Variants in GRID2 observed in about 807,000 individuals in gnomAD.
GRID2 encodes the protein glutamate receptor ionotropic, delta-2.
GRID2 carries 33 observed loss-of-function variants against 114.8 expected under a neutral mutation model. The observed-to-expected ratio is 0.29, with a 90% CI of 0.22 to 0.38. GRID2 has a LOEUF of 0.38. Ranked by LOEUF, GRID2 falls within the 10% of genes least tolerant of loss-of-function variation. The probability of loss-of-function intolerance (pLI) is 1.00; values close to 1 mark genes in which losing one functional copy is unlikely to be tolerated. For missense variants in GRID2, 1,184 were observed against 1,257.7 expected (o/e 0.94, Z 0.89); for synonymous variants, 505 against 449.9 (o/e 1.12, Z -1.55).
At chr4:92,597,275 A>G (rs1560480021) in intron 2 of GRID2, among the ~76,000 whole-genome samples, 1 of 152,106 alleles carries the variant, frequency 6.6e-6, no homozygotes, top group Admixed American at 6.6e-5. Flanking sequence ...GAAGATACAA[A>G]TTGCATAGTC....
chr4:92,520,881 G>A, intron 1 of GRID2, among the ~76,000 whole-genome samples: 1 of 151,820 alleles, frequency 6.6e-6, no homozygotes, highest in East Asian at 2.0e-4. Context: ...AAGGTCATAG[G>A]GACAGGAAAC....
intron 14 of GRID2, among the ~76,000 whole-genome samples, chr4:93,767,804 T>C (rs1733789620): frequency 1.3e-5 from 2 of 152,182 alleles, no homozygotes; most frequent in South Asian, 2.1e-4. Flanking sequence ...TTGTAAGCAG[T>C]CTCACCCCAA....
At chr4:92,854,968 G>A (rs1744075138) in intron 2 of GRID2, among the ~76,000 whole-genome samples, 1 of 151,928 alleles carries the variant, frequency 6.6e-6, no homozygotes, top group Non-Finnish European at 1.5e-5. Context: ...TGGTTTAAAG[G>A]ATAAAAATTC....
chr4:92,858,338 A>G (rs892035891), intron 2 of GRID2, among the ~76,000 whole-genome samples: 4 of 152,244 alleles, frequency 2.6e-5, no homozygotes, highest in Admixed American at 2.0e-4. Context: ...GCCATTCAGA[A>G]CATTCATGAT....
intron 13 of GRID2, among the ~76,000 whole-genome samples, chr4:93,564,297 T>TTTTA (rs549091021): frequency 2.6e-4 from 39 of 151,964 alleles, no homozygotes; most frequent in South Asian, 2.3e-3. Flanking sequence ...ATGGATGTCC[T>TTTTA]TTTATTTATT....
intron 14 of GRID2, among the ~76,000 whole-genome samples, chr4:93,638,251 G>A (rs1228580335): frequency 6.9e-6 from 1 of 145,804 alleles, no homozygotes. Context: ...AAATCAACAT[G>A]TTTTTATTTT....
intron 10 of GRID2, among the ~76,000 whole-genome samples, chr4:93,441,642 G>A (rs1230675117): frequency 6.6e-6 from 1 of 151,692 alleles, no homozygotes; most frequent in Non-Finnish European, 1.5e-5. Context: ...CTCATTTAAA[G>A]GATTTTTTTT....
chr4:93,780,151 G>T (rs777711707), intron 1 of GRID2, among the ~76,000 whole-genome samples: 1 of 152,186 alleles, frequency 6.6e-6, no homozygotes, highest in Non-Finnish European at 1.5e-5. Flanking sequence ...AGAAGAACAA[G>T]GAGCAAGAAG....
chr4:93,728,833 T>G lies in GRID2; in HGVS notation c.2361-40377T>G, dbSNP rs534933382. 1.2e-3 allele frequency among the ~76,000 whole-genome samples: 176 copies of G among 152,238 alleles called. 1 individual carries two copies. In the South Asian group the frequency reaches 0.012, roughly 10 times the overall value. On this transcript the variant is annotated intron_variant, in intron 14 of 15. Coordinates refer to ENST00000282020, the MANE Select transcript of GRID2 (RefSeq NM_001510.4). ...CCCCTGCCTTTTTTTGTTTTCCATT[T>G]GCTTGGTAGATCTTCCTCCATCCTT...
At chr4:92,425,871 C>T (rs1732136791) in intron 1 of GRID2, among the ~76,000 whole-genome samples, 1 of 152,038 alleles carries the variant, frequency 6.6e-6, no homozygotes, top group Non-Finnish European at 1.5e-5. Flanking sequence ...AAGCATTGAC[C>T]AATCTGTAAC....
rs78476042 is a variant in GRID2 at position 92,414,626 on chromosome 4, A to G, written c.88+109882A>G. On this transcript the variant is annotated intron_variant, in intron 1 of 15. Coordinates refer to ENST00000282020, the MANE Select transcript of GRID2 (RefSeq NM_001510.4). Reference sequence around the variant, plus strand: ...CCTAGTAAATGGTACAAAGGCAAACATATGGTTGTGGACAGTGAGCCTAGA... The same window carrying G: ...CCTAGTAAATGGTACAAAGGCAAACGTATGGTTGTGGACAGTGAGCCTAGA... 6.4e-4 allele frequency among the ~76,000 whole-genome samples: 98 copies of G among 152,270 alleles called. No homozygotes were observed. The East Asian group carries it at 0.019, about 29-fold the overall frequency.
intron 2 of GRID2, among the ~76,000 whole-genome samples, chr4:92,655,042 T>G (rs937575775): frequency 1.3e-5 from 2 of 152,016 alleles, no homozygotes; most frequent in African/African-American, 4.8e-5. Context: ...TTGGAAGTCT[T>G]TAACCCATCT....
chr4:93,750,482 G>C (rs1353070366), intron 14 of GRID2, among the ~76,000 whole-genome samples: 2 of 152,096 alleles, frequency 1.3e-5, no homozygotes, highest in African/African-American at 2.4e-5. Flanking sequence ...GTTAAAAGGT[G>C]GTCTTGGCCA....
At chr4:93,647,003 CAG>C (rs1486931772) in intron 14 of GRID2, among the ~76,000 whole-genome samples, 4 of 151,796 alleles carry the variant, frequency 2.6e-5, no homozygotes, top group African/African-American at 4.8e-5. Context: ...TAAGTTATAA[CAG>C]ATGTATAAAT....
At chr4:93,257,581 C>T (rs10034926) in intron 8 of GRID2, among the ~76,000 whole-genome samples, 108,271 of 151,362 alleles carry the variant, frequency 0.72, 39,632 homozygotes, top group African/African-American at 0.86. Context: ...ATATATTTCT[C>T]TTATCTTCAA....
chr4:93,460,622 A>G (rs1322901022), intron 11 of GRID2, among the ~76,000 whole-genome samples: 1 of 152,176 alleles, frequency 6.6e-6, no homozygotes, highest in African/African-American at 2.4e-5. Flanking sequence ...TGAATATAAG[A>G]TAGTGTACTA....
At chr4:92,314,786 G>GA (rs1392326623) in intron 1 of GRID2, among the ~76,000 whole-genome samples, 3 of 152,032 alleles carry the variant, frequency 2.0e-5, no homozygotes, top group Non-Finnish European at 2.9e-5. Context: ...TCCAAAATCT[G>GA]AAAAAATTCT....
intron 14 of GRID2, among the ~76,000 whole-genome samples, chr4:93,627,179 T>C (rs564149485): frequency 6.6e-6 from 1 of 152,356 alleles, no homozygotes; most frequent in East Asian, 1.9e-4. Flanking sequence ...ATCTTCCACA[T>C]AGAAGTATAT....
chr4:93,439,306 G>A (rs1192196666), intron 10 of GRID2, among the ~76,000 whole-genome samples: 1 of 152,040 alleles, frequency 6.6e-6, no homozygotes. Flanking sequence ...ATAACTTGGA[G>A]GAGAAAAGAA....
Sources: allele counts gnomAD v4.1 joint callset (sites outside exome capture counted in the v4.1 genomes callset), GRCh38; gene constraint gnomAD v4.1.1; transcripts MANE v1.5; gene names NCBI Gene and HGNC (gene_info 2026-07-23, HGNC 2026-07-21).